The following CSMD1 variants were observed in gnomAD, a reference collection of about 807,000 sequenced individuals.
The protein encoded by CSMD1 is CUB and Sushi multiple domains 1, also known as CUB and sushi domain-containing protein 1.
CSMD1 carries 213 observed loss-of-function variants against 417.5 expected under a neutral mutation model. The ratio of observed to expected loss-of-function variants is 0.51; its 90% confidence interval spans 0.46 to 0.57. The LOEUF (loss-of-function observed/expected upper bound fraction) is 0.57, where lower values mean the gene tolerates loss of function less well. Ranked by LOEUF, CSMD1 falls within the 20% of genes least tolerant of loss-of-function variation. The pLI is 0.00. For synonymous variants in CSMD1, 2,862 were observed against 1,736.8 expected, an observed-to-expected ratio of 1.65 and a Z score of -16.11; for missense variants, 6,923 against 4,529.7, an observed-to-expected ratio of 1.53 and a Z score of -15.17.
intron 2 of CSMD1, among the ~76,000 whole-genome samples, chr8:4,621,090 C>A (rs985326732): frequency 6.6e-6 from 1 of 151,988 alleles, no homozygotes; most frequent in Non-Finnish European, 1.5e-5. Flanking sequence ...ATAACAGCAG[C>A]TGAGTATTTC....
intron 7 of CSMD1, among the ~76,000 whole-genome samples, chr8:3,663,403 A>G (rs1337880841): frequency 6.6e-6 from 1 of 152,056 alleles, no homozygotes; most frequent in Non-Finnish European, 1.5e-5. Flanking sequence ...GACTGCTTTT[A>G]AGACATGTGG....
intron 3 of CSMD1, among the ~76,000 whole-genome samples, chr8:4,394,125 T>TGAGTATTA (rs1804045827): frequency 6.6e-6 from 1 of 152,186 alleles, no homozygotes; most frequent in Non-Finnish European, 1.5e-5. Flanking sequence ...CAGATTATCT[T>TGAGTATTA]CTAAGTATTA....
chr8:3,009,030 G>T (rs1354671323), intron 52 of CSMD1, among the ~76,000 whole-genome samples: 1 of 152,162 alleles, frequency 6.6e-6, no homozygotes, highest in Non-Finnish European at 1.5e-5. Flanking sequence ...CACTTCTCCC[G>T]CAGAAACCCC....
intron 1 of CSMD1, among the ~76,000 whole-genome samples, chr8:4,902,692 C>T (rs4875126): frequency 0.68 from 104,005 of 151,936 alleles, 35,792 homozygotes; most frequent in East Asian, 0.88. Flanking sequence ...AGGTGATATA[C>T]GCACATGATA....
At chr8:3,970,272 C>A (rs1210882532) in intron 5 of CSMD1, among the ~76,000 whole-genome samples, 3 of 152,158 alleles carry the variant, frequency 2.0e-5, no homozygotes, top group African/African-American at 7.2e-5. Flanking sequence ...GCTGTATGTC[C>A]GAAGCCTTTG....
intron 3 of CSMD1, among the ~76,000 whole-genome samples, chr8:4,148,206 T>C (rs1439965757): frequency 6.6e-6 from 1 of 151,876 alleles, no homozygotes; most frequent in African/African-American, 2.4e-5. Flanking sequence ...CTGTAAGTTA[T>C]AAGTTGCTAT....
intron 1 of CSMD1, among the ~76,000 whole-genome samples, chr8:4,681,562 G>A (rs1256747653): frequency 6.6e-6 from 1 of 152,142 alleles, no homozygotes; most frequent in African/African-American, 2.4e-5. Flanking sequence ...TGTGCTTTCT[G>A]GTGCTTGCTA....
At chr8:4,259,453 C>G (rs1287624482) in intron 3 of CSMD1, among the ~76,000 whole-genome samples, 2 of 152,082 alleles carry the variant, frequency 1.3e-5, no homozygotes, top group African/African-American at 4.8e-5. Flanking sequence ...TATGAAAATG[C>G]CTTAAGCTTT....
intron 5 of CSMD1, among the ~76,000 whole-genome samples, chr8:3,935,428 A>G (rs759981507): frequency 1.3e-5 from 2 of 152,174 alleles, no homozygotes; most frequent in Non-Finnish European, 2.9e-5. Context: ...GGGTTTTTGA[A>G]AAATTGAAGT....
chr8:4,003,096 T>G (rs1237316166), intron 4 of CSMD1, among the ~76,000 whole-genome samples: 2 of 152,148 alleles, frequency 1.3e-5, no homozygotes, highest in African/African-American at 4.8e-5. Context: ...CTTTGTATTT[T>G]AAGAAACAAG....
intron 2 of CSMD1, among the ~76,000 whole-genome samples, chr8:4,429,522 T>C (rs187725475): frequency 1.3e-5 from 2 of 152,132 alleles, no homozygotes; most frequent in African/African-American, 2.4e-5. Context: ...AGAATTCAAG[T>C]TGGATCAGAA....
At chr8:3,423,914 A>G (rs1813658407) in intron 12 of CSMD1, among the ~76,000 whole-genome samples, 1 of 152,268 alleles carries the variant, frequency 6.6e-6, no homozygotes, top group East Asian at 1.9e-4. Flanking sequence ...CGACCCTCAA[A>G]TAAACACACA....
chr8:3,875,588 T>G (rs1805761544), intron 5 of CSMD1, among the ~76,000 whole-genome samples: 1 of 150,750 alleles, frequency 6.6e-6, no homozygotes, highest in African/African-American at 2.4e-5. Context: ...TGGAGAGGAG[T>G]CCCATTGTGA....
chr8:4,821,968 T>C (rs1799549821), intron 1 of CSMD1, among the ~76,000 whole-genome samples: 2 of 151,998 alleles, frequency 1.3e-5, no homozygotes, highest in Admixed American at 6.6e-5. Flanking sequence ...TCTCAGAGAA[T>C]ACTACGTAAA....
intron 1 of CSMD1, among the ~76,000 whole-genome samples, chr8:4,772,694 A>T (rs1215190280): frequency 6.6e-6 from 1 of 152,178 alleles, no homozygotes; most frequent in African/African-American, 2.4e-5. Context: ...CTGTGAAAGG[A>T]TGTGCATTGA....
chr8:4,462,278 G>C (rs1039581798), intron 2 of CSMD1, among the ~76,000 whole-genome samples: 2 of 151,738 alleles, frequency 1.3e-5, no homozygotes, highest in East Asian at 1.9e-4. Context: ...AAAATAATTA[G>C]GAATAAATTT....
At chr8:4,713,107 CATTT>C (rs1428130027) in intron 1 of CSMD1, among the ~76,000 whole-genome samples, 1 of 152,306 alleles carries the variant, frequency 6.6e-6, no homozygotes, top group East Asian at 1.9e-4. Context: ...TAAAGTCATT[CATTT>C]GAGTTAAGAA....
At chr8:3,210,927 C>G (rs1367192820) in intron 30 of CSMD1, among the ~76,000 whole-genome samples, 1 of 152,038 alleles carries the variant, frequency 6.6e-6, no homozygotes. Flanking sequence ...TTTTATCTCC[C>G]TCACACTAGA....
At position 4,574,652 on chromosome 8, in the gene CSMD1, C is replaced by G. The variant is rs116250732; in HGVS notation, c.302+62690G>C. ...ATTAATGGGAGACACTTAAAGAATT[C>G]TGAATCTTTGAATTAGCTATACGCT... On this transcript the variant is annotated intron_variant, in intron 2 of 69. Coordinates refer to ENST00000635120, the MANE Select transcript of CSMD1 (RefSeq NM_033225.6). Among the ~76,000 whole-genome samples the G allele has an allele frequency of 3.7e-3, 556 of 152,270 alleles. 3 individuals carry two copies. Among genetic ancestry groups the G allele is most frequent in the African/African-American group, 0.013 (521 of 41,566 alleles).
Sources: gnomAD v4.1 joint callset for allele counts (sites outside exome capture counted in the v4.1 genomes callset) on GRCh38, gnomAD v4.1.1 for gene constraint, MANE v1.5 for transcripts, NCBI Gene and HGNC (gene_info 2026-07-23, HGNC 2026-07-21) for gene names.